Variants in CLSTN2 observed in about 807,000 individuals in gnomAD.
CLSTN2 encodes the protein calsyntenin-2.
A neutral mutation model predicts 101.2 loss-of-function variants in CLSTN2; 48 were observed. That is an observed-to-expected ratio of 0.47 (90% CI 0.38 to 0.60). CLSTN2 has a LOEUF of 0.60. CLSTN2 is among the 20% of genes least tolerant of loss of function. The pLI is 0.00. For missense variants in CLSTN2, 1,160 were observed against 1,238.2 expected (o/e 0.94, Z 0.95); for synonymous variants, 481 against 463.6 (o/e 1.04, Z -0.48).
chr3:140,510,188 C>T (rs1178188676), intron 8 of CLSTN2, among the ~76,000 whole-genome samples: 1 of 152,168 alleles, frequency 6.6e-6, no homozygotes, highest in Non-Finnish European at 1.5e-5. Context: ...CTACTGAATA[C>T]GTATTGTTTT....
At chr3:140,356,762 A>AG (rs1450466255) in intron 2 of CLSTN2, among the ~76,000 whole-genome samples, 1 of 151,564 alleles carries the variant, frequency 6.6e-6, no homozygotes, top group Admixed American at 6.6e-5. Context: ...GTCTCAAAAA[A>AG]AAAAAAAAAA....
intron 4 of CLSTN2, among the ~76,000 whole-genome samples, chr3:140,409,205 C>CATA (rs1307826126): frequency 6.6e-6 from 1 of 152,214 alleles, no homozygotes; most frequent in Non-Finnish European, 1.5e-5. Flanking sequence ...GCCATATAAC[C>CATA]ACAGTTGGCT....
At chr3:140,258,336 G>A (rs992333829) in intron 2 of CLSTN2, among the ~76,000 whole-genome samples, 4 of 151,982 alleles carry the variant, frequency 2.6e-5, no homozygotes, top group African/African-American at 9.7e-5. Context: ...TTTGTGCTTG[G>A]GTCAAATATT....
chr3:140,388,713 G>C (rs1203466949), intron 2 of CLSTN2, among the ~76,000 whole-genome samples: 1 of 152,190 alleles, frequency 6.6e-6, no homozygotes, highest in Non-Finnish European at 1.5e-5. Context: ...TTGCACAAAG[G>C]TTGCTGTAAA....
chr3:140,524,454 T>C (rs1028535025), intron 8 of CLSTN2, among the ~76,000 whole-genome samples: 1 of 152,222 alleles, frequency 6.6e-6, no homozygotes, highest in Admixed American at 6.5e-5. Flanking sequence ...TATATGTTCC[T>C]TGAGTTAAGA....
chr3:140,182,237 G>T (rs919401980), intron 2 of CLSTN2, among the ~76,000 whole-genome samples: 2 of 152,122 alleles, frequency 1.3e-5, no homozygotes, highest in African/African-American at 4.8e-5. Flanking sequence ...GGCAAGGATT[G>T]CTGGCTTTTC....
chr3:140,364,911 C>T (rs2107952553), intron 2 of CLSTN2, among the ~76,000 whole-genome samples: 1 of 152,256 alleles, frequency 6.6e-6, no homozygotes. Flanking sequence ...CCTGTTCTTA[C>T]AGAATGTAAT....
Position 140,063,357 on chromosome 3 carries a change from G to A in CLSTN2, c.110-112594G>A, listed in dbSNP as rs551636298. On this transcript the variant is annotated intron_variant, in intron 1 of 16. Coordinates refer to ENST00000458420, the MANE Select transcript of CLSTN2 (RefSeq NM_022131.3). Reference sequence around the variant, plus strand: ...TTTCTAGCTCTGGCACTTGAGTGGTGTCTGCTTTTGCAAGAGGTAGGCTGC... The same window carrying A: ...TTTCTAGCTCTGGCACTTGAGTGGTATCTGCTTTTGCAAGAGGTAGGCTGC... Among the ~76,000 whole-genome samples the A allele has an allele frequency of 3.9e-5, 6 of 152,318 alleles. No individual in the cohort carries two copies. In the East Asian group the frequency reaches 9.6e-4, roughly 24 times the overall value.
rs750509162 is a variant in CLSTN2 at position 140,306,497 on chromosome 3, AC to A, written c.233-97130del. Among the ~76,000 whole-genome samples the A allele has an allele frequency of 3.9e-5, 6 of 152,286 alleles. No individual in the cohort carries two copies. In the East Asian group the frequency reaches 1.2e-3, roughly 29 times the overall value. On this transcript the variant is annotated intron_variant, in intron 2 of 16. Transcript: ENST00000458420. ...ATTAAAACTCTGAGGCCCAGGTTGA[AC>A]CTTTGTAAAGTGGAAGTCAAAGGCA...
chr3:140,213,193 C>A (rs1576469345), intron 2 of CLSTN2, among the ~76,000 whole-genome samples: 1 of 152,216 alleles, frequency 6.6e-6, no homozygotes, highest in African/African-American at 2.4e-5. Flanking sequence ...ACCTTCAGTC[C>A]CAGGATCCTT....
chr3:140,470,542 G>T (rs745974701), intron 8 of CLSTN2, among the ~76,000 whole-genome samples: 1 of 152,210 alleles, frequency 6.6e-6, no homozygotes, highest in South Asian at 2.1e-4. Context: ...GGCATGGGGC[G>T]GAAGGAGAAA....
At chr3:140,422,935 C>A (rs1294423212) in intron 5 of CLSTN2, among the ~76,000 whole-genome samples, 1 of 152,146 alleles carries the variant, frequency 6.6e-6, no homozygotes, top group Non-Finnish European at 1.5e-5. Context: ...AAGAACTCAC[C>A]TTGTTTTGTT....
chr3:140,007,340 G>A (rs1484473382), intron 1 of CLSTN2, among the ~76,000 whole-genome samples: 4 of 152,232 alleles, frequency 2.6e-5, no homozygotes, highest in Admixed American at 1.3e-4. Context: ...TGGAAACAGG[G>A]CCTGGGGGTC....
At chr3:140,539,991 C>T (rs1935441811) in intron 9 of CLSTN2, among the ~76,000 whole-genome samples, 2 of 152,172 alleles carry the variant, frequency 1.3e-5, no homozygotes, top group South Asian at 4.1e-4. Flanking sequence ...CATCAGACAT[C>T]ATGTTTAGTA....
intron 10 of CLSTN2, among the ~76,000 whole-genome samples, chr3:140,547,405 C>T (rs182339043): frequency 6.6e-5 from 10 of 151,848 alleles, no homozygotes; most frequent in Non-Finnish European, 1.0e-4. Flanking sequence ...ACCCAGGAGG[C>T]GGAGGTTGCA....
chr3:140,446,814 A>G (rs1933091805), intron 5 of CLSTN2, among the ~76,000 whole-genome samples: 1 of 152,150 alleles, frequency 6.6e-6, no homozygotes, highest in Non-Finnish European at 1.5e-5. Context: ...GTCTCAAGCT[A>G]AAGGAGCCCC....
intron 8 of CLSTN2, among the ~76,000 whole-genome samples, chr3:140,477,808 A>T (rs1329134934): frequency 1.3e-5 from 2 of 152,212 alleles, no homozygotes; most frequent in Non-Finnish European, 2.9e-5. Context: ...AACTCACAGA[A>T]ATAGTTTGCT....
intron 8 of CLSTN2, among the ~76,000 whole-genome samples, chr3:140,501,229 G>A (rs547886682): frequency 4.6e-5 from 7 of 152,040 alleles, no homozygotes; most frequent in African/African-American, 4.8e-5. Context: ...AAATTCCATC[G>A]CTTCCTCATT....
intron 1 of CLSTN2, among the ~76,000 whole-genome samples, chr3:140,056,053 G>A (rs1051535020): frequency 6.6e-6 from 1 of 152,186 alleles, no homozygotes; most frequent in African/African-American, 2.4e-5. Flanking sequence ...AAAAGGATGG[G>A]AGAGGGGGCC....
Sources: allele counts gnomAD v4.1 joint callset (sites outside exome capture counted in the v4.1 genomes callset), GRCh38; gene constraint gnomAD v4.1.1; transcripts MANE v1.5; gene names NCBI Gene and HGNC (gene_info 2026-07-23, HGNC 2026-07-21).